The following ATF6 variants were observed in gnomAD, a reference collection of about 807,000 sequenced individuals.
ATF6 encodes activating transcription factor 6.
In ATF6, 53 loss-of-function variants were observed where a neutral mutation model predicts 83.6. That is an observed-to-expected ratio of 0.63 (90% CI 0.51 to 0.80). ATF6 has a LOEUF of 0.80. Ranked by LOEUF, ATF6 falls within the 30% of genes least tolerant of loss-of-function variation. The probability of loss-of-function intolerance (pLI) is 0.00; values close to 1 mark genes in which losing one functional copy is unlikely to be tolerated. For synonymous variants in ATF6, 288 were observed against 285.8 expected, an observed-to-expected ratio of 1.01 and a Z score of -0.08; for missense variants, 744 against 797.9, an observed-to-expected ratio of 0.93 and a Z score of 0.81.
At chr1:161,882,514 T>C (rs1687341293) in intron 14 of ATF6, among the ~76,000 whole-genome samples, 1 of 152,088 alleles carries the variant, frequency 6.6e-6, no homozygotes, top group African/African-American at 2.4e-5. Flanking sequence ...TTTAAAACTA[T>C]ATATATTATG....
intron 15 of ATF6, among the ~76,000 whole-genome samples, chr1:161,943,373 T>C (rs951425267): frequency 2.0e-5 from 3 of 152,196 alleles, no homozygotes; most frequent in African/African-American, 7.2e-5. Context: ...TCTGCCATGA[T>C]TGTAAGTTTC....
At chr1:161,958,351 C>T in intron 15 of ATF6, 95 bp from the exon 16 acceptor site, 1 of 1,302,998 alleles carries the variant, frequency 7.7e-7, no homozygotes, top group East Asian at 2.4e-5. Context: ...AGTTCACACC[C>T]TTAAAGCACA....
At chr1:161,865,866 T>G (rs1231994005) in intron 14 of ATF6, among the ~76,000 whole-genome samples, 3 of 152,206 alleles carry the variant, frequency 2.0e-5, no homozygotes, top group Admixed American at 6.5e-5. Context: ...TCTTGATGAC[T>G]GTAAACTATG....
At chr1:161,789,535 T>G (rs1278065796) in intron 4 of ATF6, among the ~76,000 whole-genome samples, 1 of 152,110 alleles carries the variant, frequency 6.6e-6, no homozygotes, top group Non-Finnish European at 1.5e-5. Context: ...GCTTCAAGTA[T>G]ATAGCATATT....
intron 14 of ATF6, among the ~76,000 whole-genome samples, chr1:161,879,947 G>T (rs972787558): frequency 6.6e-6 from 1 of 151,920 alleles, no homozygotes; most frequent in Admixed American, 6.6e-5. Flanking sequence ...CTTTAATTTT[G>T]TGCTGCCACA....
intron 15 of ATF6, among the ~76,000 whole-genome samples, chr1:161,945,104 A>G (rs531051472): frequency 2.8e-4 from 42 of 152,248 alleles, no homozygotes; most frequent in Non-Finnish European, 5.4e-4. Flanking sequence ...GCTCTTAAAT[A>G]CACAACTTGA....
At position 161,851,256 on chromosome 1, in the gene ATF6, ACAC is replaced by A. The variant is rs1557995027; in HGVS notation, c.1320-465_1320-463del. Among the ~76,000 whole-genome samples, 245 of 51,986 alleles carry A rather than the reference ACAC, an allele frequency of 4.7e-3. 8 individuals are homozygous for A. Among genetic ancestry groups the A allele is most frequent in the Middle Eastern group, 0.022 (1 of 46 alleles). The allele number at this position is 51,986 out of a possible 152,430, so 34.1% of individuals were successfully genotyped here. A position where few individuals can be genotyped will look rare whatever the true frequency, so the allele number is the denominator to read the frequency against. ...TTAACACACACACACACACACACAC[ACAC>A]ACACACACACACACACCCCTACCTG... On this transcript the variant is annotated intron_variant, in intron 10 of 15. Coordinates refer to ENST00000367942, the MANE Select transcript of ATF6 (RefSeq NM_007348.4).
intron 14 of ATF6, among the ~76,000 whole-genome samples, chr1:161,896,150 C>T (rs1687673183): frequency 6.6e-6 from 1 of 152,176 alleles, no homozygotes; most frequent in South Asian, 2.1e-4. Context: ...TTCTGTCGCC[C>T]AGGCTGGAGT....
At chr1:161,807,555 T>TA (rs879381264) in intron 7 of ATF6, among the ~76,000 whole-genome samples, 1 of 152,168 alleles carries the variant, frequency 6.6e-6, no homozygotes, top group East Asian at 1.9e-4. Context: ...CAGGGTTTAG[T>TA]AAAAAAATTA....
rs1685706142 is a variant in ATF6 at position 161,819,785 on chromosome 1, A to G, written c.1062A>G (p.Thr354=). 6.2e-7 allele frequency: 1 copy of G among 1,611,132 alleles called. No homozygotes were observed. Among genetic ancestry groups the G allele is most frequent in the Non-Finnish European group, 8.5e-7 (1 of 1,178,670 alleles). The change falls in exon 8 of 16, where the codon ACA becomes ACG. Residue 354 remains threonine (T), a synonymous_variant. Coordinates refer to ENST00000367942, the MANE Select transcript of ATF6 (RefSeq NM_007348.4). Reference sequence around the variant, plus strand: ...AGCAACTGAAGAAAGAAAATGGAACACTGAAGCGGCAGCTGGATGAAGTTG... The same window carrying G: ...AGCAACTGAAGAAAGAAAATGGAACGCTGAAGCGGCAGCTGGATGAAGTTG... The part of the protein sequence containing the change: ...ENEQLKKENG[T]LKRQLDEVVS...
chr1:161,921,521 A>T (rs1161567348), intron 15 of ATF6, among the ~76,000 whole-genome samples: 2 of 152,190 alleles, frequency 1.3e-5, no homozygotes, highest in African/African-American at 2.4e-5. Flanking sequence ...CCAAAGGAAA[A>T]ATCTATAGCA....
chr1:161,821,846 T>C (rs998087687), intron 9 of ATF6, among the ~76,000 whole-genome samples: 2 of 152,166 alleles, frequency 1.3e-5, no homozygotes, highest in African/African-American at 4.8e-5. Flanking sequence ...ATTAGAAGAC[T>C]ATTGAGGTGT....
chr1:161,884,240 T>C (rs1239867774), intron 14 of ATF6, among the ~76,000 whole-genome samples: 1 of 152,140 alleles, frequency 6.6e-6, no homozygotes, highest in Admixed American at 6.5e-5. Flanking sequence ...AATATAAAAC[T>C]AGGAAGGCAT....
intron 9 of ATF6, among the ~76,000 whole-genome samples, chr1:161,821,853 G>C (rs946215051): frequency 6.6e-6 from 1 of 152,112 alleles, no homozygotes; most frequent in Non-Finnish European, 1.5e-5. Context: ...GACTATTGAG[G>C]TGTTTCAGGT....
At chr1:161,775,800 C>G (rs1346988371) in intron 1 of ATF6, among the ~76,000 whole-genome samples, 5 of 152,046 alleles carry the variant, frequency 3.3e-5, no homozygotes, top group South Asian at 2.1e-4. Context: ...TATTTAGTAT[C>G]CAAGATCTGG....
intron 15 of ATF6, among the ~76,000 whole-genome samples, chr1:161,945,420 A>G (rs1398307816): frequency 6.6e-6 from 1 of 152,120 alleles, no homozygotes; most frequent in Admixed American, 6.5e-5. Context: ...AGTTCTATTA[A>G]TTTCTTTGTT....
chr1:161,814,325 G>T (rs547916862), intron 7 of ATF6, among the ~76,000 whole-genome samples: 1 of 152,206 alleles, frequency 6.6e-6, no homozygotes. Flanking sequence ...CCATGGTGTG[G>T]CTTTGCTGAG....
intron 1 of ATF6, 148 bp from the exon 2 acceptor site, chr1:161,778,096 G>C (rs1385488671): frequency 1.8e-6 from 1 of 566,840 alleles, no homozygotes; most frequent in Non-Finnish European, 3.1e-6. Flanking sequence ...AATGAGCATT[G>C]AATTGCTTAT....
At chr1:161,771,779 T>C (rs1022862884) in intron 1 of ATF6, among the ~76,000 whole-genome samples, 3 of 152,074 alleles carry the variant, frequency 2.0e-5, no homozygotes, top group Admixed American at 2.0e-4. Flanking sequence ...ATGCCTGGCT[T>C]CTTTTTGGCT....
Sources: gnomAD v4.1 joint callset for allele counts (sites outside exome capture counted in the v4.1 genomes callset) on GRCh38, gnomAD v4.1.1 for gene constraint, MANE v1.5 for transcripts, NCBI Gene and HGNC (gene_info 2026-07-23, HGNC 2026-07-21) for gene names.